CDH4: variants seen among roughly 807,000 people sequenced by gnomAD.
CDH4 encodes cadherin 4.
Under a neutral mutation model 86.0 loss-of-function variants are expected in CDH4, and 33 were observed. The ratio of observed to expected loss-of-function variants is 0.38; its 90% CI spans 0.29 to 0.51. The LOEUF (loss-of-function observed/expected upper bound fraction) is 0.51. Among genes scored for constraint, CDH4 ranks in the 20% least tolerant of loss-of-function variants. The pLI, the probability that CDH4 is intolerant of heterozygous loss-of-function variation, is 0.86. For missense variants in CDH4, 1,114 were observed against 1,307.4 expected, an observed-to-expected ratio of 0.85 and a Z score of 2.28; for synonymous variants, 555 against 549.4, an observed-to-expected ratio of 1.01 and a Z score of -0.14.
intron 8 of CDH4, among the ~76,000 whole-genome samples, chr20:61,895,795 C>T (rs1475938090): frequency 2.0e-5 from 3 of 152,236 alleles, no homozygotes; most frequent in African/African-American, 7.2e-5. Context: ...GCTTACCAAC[C>T]AGGACCCTTT....
chr20:61,611,210 C>G (rs2086682841), intron 2 of CDH4, among the ~76,000 whole-genome samples: 1 of 152,072 alleles, frequency 6.6e-6, no homozygotes, highest in Admixed American at 6.5e-5. Flanking sequence ...CAGCCCCTTT[C>G]CTTCCTCTCC....
At chr20:61,934,723 C>CG (rs1346297065) in intron 15 of CDH4, among the ~76,000 whole-genome samples, 2 of 146,922 alleles carry the variant, frequency 1.4e-5, no homozygotes, top group African/African-American at 5.4e-5. Context: ...ACTTGCCCCC[C>CG]CTCCCCACCC....
chr20:61,841,153 TC>T (rs1265304423), intron 4 of CDH4, among the ~76,000 whole-genome samples: 3 of 152,208 alleles, frequency 2.0e-5, no homozygotes, highest in Non-Finnish European at 4.4e-5. Context: ...TGTGTTCTCC[TC>T]AGCCCAGTGC....
intron 3 of CDH4, among the ~76,000 whole-genome samples, chr20:61,752,787 G>A (rs188307857): frequency 3.7e-4 from 57 of 152,288 alleles, no homozygotes; most frequent in African/African-American, 1.1e-3. Flanking sequence ...GCAGGAACAC[G>A]TGTCAGCCGA....
chr20:61,774,405 G>T (rs1298176297), intron 4 of CDH4, among the ~76,000 whole-genome samples: 5 of 152,240 alleles, frequency 3.3e-5, no homozygotes, highest in African/African-American at 1.2e-4. Flanking sequence ...CAATGGCAGT[G>T]CCGTGGCCCC....
At chr20:61,346,388 G>A (rs1004802700) in intron 2 of CDH4, among the ~76,000 whole-genome samples, 2 of 152,138 alleles carry the variant, frequency 1.3e-5, no homozygotes, top group African/African-American at 4.8e-5. Context: ...GCATTCCCAC[G>A]GCCATGAGGA....
chr20:61,459,609 C>T (rs756941217), intron 2 of CDH4, among the ~76,000 whole-genome samples: 22 of 150,506 alleles, frequency 1.5e-4, no homozygotes, highest in African/African-American at 4.6e-4. Flanking sequence ...GGATGGAGAG[C>T]GGGAGGGACA....
chr20:61,613,175 C>A (rs1380919717), intron 2 of CDH4, among the ~76,000 whole-genome samples: 1 of 152,054 alleles, frequency 6.6e-6, no homozygotes, highest in Non-Finnish European at 1.5e-5. Context: ...CTCCTGCCCC[C>A]TCTTGGTTTC....
intron 2 of CDH4, among the ~76,000 whole-genome samples, chr20:61,706,081 C>T (rs761124419): frequency 1.2e-4 from 19 of 152,356 alleles, no homozygotes; most frequent in African/African-American, 4.1e-4. Context: ...CCATTGTGCC[C>T]AGTGGCTTTA....
intron 4 of CDH4, among the ~76,000 whole-genome samples, chr20:61,789,030 G>T (rs1408403116): frequency 6.6e-6 from 1 of 152,206 alleles, no homozygotes; most frequent in Non-Finnish European, 1.5e-5. Flanking sequence ...CATCAAGCTG[G>T]CCTGGGTTGT....
chr20:61,402,737 C>T (rs1447082836), intron 2 of CDH4, among the ~76,000 whole-genome samples: 1 of 152,186 alleles, frequency 6.6e-6, no homozygotes, highest in Non-Finnish European at 1.5e-5. Flanking sequence ...TCGGTTGAAT[C>T]CATGGATATG....
chr20:61,925,774 C>T (rs1046617377), intron 11 of CDH4, among the ~76,000 whole-genome samples: 10 of 152,198 alleles, frequency 6.6e-5, no homozygotes, highest in Non-Finnish European at 1.2e-4. Flanking sequence ...CCTGACTGTG[C>T]CACGGCATGG....
intron 6 of CDH4, among the ~76,000 whole-genome samples, chr20:61,855,648 T>C (rs573643046): frequency 2.0e-4 from 31 of 152,350 alleles, no homozygotes; most frequent in African/African-American, 6.7e-4. Flanking sequence ...AGCAAAAGTC[T>C]TCCCAAAAGC....
chr20:61,826,211 C>G (rs1477066133), intron 4 of CDH4, among the ~76,000 whole-genome samples: 2 of 152,178 alleles, frequency 1.3e-5, no homozygotes, highest in Non-Finnish European at 2.9e-5. Flanking sequence ...TGAGGTCTCC[C>G]TGGGCCTCTT....
intron 2 of CDH4, among the ~76,000 whole-genome samples, chr20:61,343,072 C>A (rs1448872305): frequency 3.3e-5 from 5 of 152,218 alleles, no homozygotes; most frequent in Non-Finnish European, 7.3e-5. Context: ...AAGGGACACA[C>A]TGATGAGTTC....
At chr20:61,364,342 C>T (rs570251848) in intron 2 of CDH4, among the ~76,000 whole-genome samples, 6 of 151,472 alleles carry the variant, frequency 4.0e-5, no homozygotes, top group African/African-American at 1.5e-4. Flanking sequence ...CTGGTCTAGG[C>T]AACACCGCAG....
intron 2 of CDH4, among the ~76,000 whole-genome samples, chr20:61,647,165 C>T (rs570424159): frequency 1.5e-4 from 23 of 152,190 alleles, no homozygotes; most frequent in Non-Finnish European, 3.4e-4. Flanking sequence ...TAGCGCCAGG[C>T]ACGTGTTCCC....
intron 2 of CDH4, chr20:61,570,175 G>A (rs773580379): frequency 4.4e-5 from 7 of 159,600 alleles, no homozygotes; most frequent in Admixed American, 1.7e-4. Context: ...AGAAGGTTCT[G>A]GAGAAGGCAT....
Position 61,879,324 on chromosome 20 carries a change from G to C in CDH4, c.1050+5424G>C, listed in dbSNP as rs111580956. Among the ~76,000 whole-genome samples the C allele has an allele frequency of 2.0e-5, 3 of 152,326 alleles. No individual in the cohort carries two copies. Among genetic ancestry groups the C allele is most frequent in the Non-Finnish European group, 2.9e-5 (2 of 68,038 alleles). Reference sequence around the variant, plus strand: ...CAGCTTGCCTTGCATCGGCCGGACAGCTCAGCCACTTCTGAAAAGGACACA... The same window carrying C: ...CAGCTTGCCTTGCATCGGCCGGACACCTCAGCCACTTCTGAAAAGGACACA... On this transcript the variant is annotated intron_variant, in intron 7 of 15. Coordinates refer to ENST00000614565, the MANE Select transcript of CDH4 (RefSeq NM_001794.5). The surrounding 1 kb of genome is among the most constrained non-coding windows in gnomAD (Gnocchi z 4.1).
Sources: allele counts gnomAD v4.1 joint callset (sites outside exome capture counted in the v4.1 genomes callset), GRCh38; gene constraint gnomAD v4.1.1; non-coding constraint Gnocchi (gnomAD v3.1); transcripts MANE v1.5; gene names NCBI Gene and HGNC (gene_info 2026-07-23, HGNC 2026-07-21).